The following EPSTI1 variants were observed in gnomAD, a reference collection of about 807,000 sequenced individuals.
EPSTI1 encodes the protein epithelial stromal interaction 1, also known as epithelial-stromal interaction protein 1.
In EPSTI1, 66 loss-of-function variants were observed where a neutral mutation model predicts 49.9. That is an observed-to-expected ratio of 1.32 (90% CI 1.08 to 1.62). The LOEUF (loss-of-function observed/expected upper bound fraction) is 1.62, where lower values mean the gene tolerates loss of function less well. Ranked by LOEUF, EPSTI1 falls within the 40% of genes most tolerant of loss-of-function variation. The pLI, the probability that EPSTI1 is intolerant of heterozygous loss-of-function variation, is 0.00. For synonymous variants in EPSTI1, 137 were observed against 130.7 expected (o/e 1.05, Z -0.33); for missense variants, 394 against 365.5 (o/e 1.08, Z -0.64).
intron 1 of EPSTI1, among the ~76,000 whole-genome samples, chr13:42,987,578 AT>A (rs5803161): frequency 3.1e-4 from 47 of 150,048 alleles, no homozygotes; most frequent in East Asian, 1.4e-3. Context: ...TTTTTTTGCG[AT>A]TTTTTTTTTA....
chr13:42,982,537 C>T (rs1373638396), intron 1 of EPSTI1, among the ~76,000 whole-genome samples: 2 of 152,118 alleles, frequency 1.3e-5, no homozygotes. Flanking sequence ...TCTTGGGGTC[C>T]GGATCAGGAC....
At chr13:42,892,574 T>C (rs2037068537) in intron 10 of EPSTI1, among the ~76,000 whole-genome samples, 1 of 152,186 alleles carries the variant, frequency 6.6e-6, no homozygotes, top group South Asian at 2.1e-4. Flanking sequence ...GGTTAGGTTT[T>C]AGACATGTTA....
At chr13:42,889,019 G>A (rs766212098) in intron 10 of EPSTI1, among the ~76,000 whole-genome samples, 8 of 152,138 alleles carry the variant, frequency 5.3e-5, no homozygotes, top group Admixed American at 1.3e-4. Context: ...GCCACGCTAC[G>A]TATGGAATAC....
At position 42,922,266 on chromosome 13, in the gene EPSTI1, C is replaced by T. The variant is rs369978771; in HGVS notation, c.657+4070G>A. 6.6e-6 allele frequency among the ~76,000 whole-genome samples: 1 copy of T among 152,184 alleles called. No individual in the cohort carries two copies. The highest frequency in any genetic ancestry group is 2.4e-5 in the African/African-American group (1 of 41,446). On this transcript the variant is annotated intron_variant, in intron 7 of 10. Coordinates refer to ENST00000313624, the MANE Select transcript of EPSTI1 (RefSeq NM_033255.5). The surrounding 1 kb of genome is among the most constrained non-coding windows in gnomAD (Gnocchi z 4.8). Reference sequence around the variant, plus strand: ...AATGGCCCCCCAAAGACGTCCCAATCCCTGGAATCTGTGAATGTTTCTTTA... The same window carrying T: ...AATGGCCCCCCAAAGACGTCCCAATTCCTGGAATCTGTGAATGTTTCTTTA...
rs534402808 is a variant in EPSTI1 at position 42,970,928 on chromosome 13, C to T, written c.189-258G>A. On this transcript the variant is annotated intron_variant, in intron 1 of 10. Transcript: ENST00000313624. ...GACAAGTGACTAGTTGGTGTACTGTCCTTGTAGGGCTCCACCGTTCCTCTA... is the reference window on the plus strand; with the variant it reads ...GACAAGTGACTAGTTGGTGTACTGTTCTTGTAGGGCTCCACCGTTCCTCTA... 5.9e-5 allele frequency among the ~76,000 whole-genome samples: 9 copies of T among 152,008 alleles called. No individual in the cohort carries two copies. In the East Asian group the frequency reaches 1.7e-3, roughly 29 times the overall value.
chr13:42,928,556 C>T (rs1183743515), intron 6 of EPSTI1, among the ~76,000 whole-genome samples: 1 of 152,158 alleles, frequency 6.6e-6, no homozygotes, highest in Non-Finnish European at 1.5e-5. Flanking sequence ...AAGATTTCTT[C>T]CTCTATTCTC....
intron 1 of EPSTI1, among the ~76,000 whole-genome samples, chr13:42,983,007 A>T (rs2040012816): frequency 6.6e-6 from 1 of 152,164 alleles, no homozygotes; most frequent in Non-Finnish European, 1.5e-5. Flanking sequence ...TCTTCATCAA[A>T]CCTAAGCATA....
At chr13:42,971,201 G>A (rs2039758771) in intron 1 of EPSTI1, among the ~76,000 whole-genome samples, 1 of 152,124 alleles carries the variant, frequency 6.6e-6, no homozygotes, top group Non-Finnish European at 1.5e-5. Flanking sequence ...GCATAATCAG[G>A]GGCTCGGAGA....
intron 1 of EPSTI1, among the ~76,000 whole-genome samples, chr13:42,974,986 G>T (rs116739888): frequency 1.3e-5 from 2 of 152,022 alleles, no homozygotes; most frequent in African/African-American, 4.8e-5. Flanking sequence ...GACATGTAAA[G>T]TCTACAGTCC....
chr13:42,912,957 A>G (rs959741715), intron 8 of EPSTI1, among the ~76,000 whole-genome samples: 10 of 152,154 alleles, frequency 6.6e-5, no homozygotes, highest in Admixed American at 4.6e-4. Flanking sequence ...GTAAAGAGAC[A>G]TAAAAGAAAA....
intron 1 of EPSTI1, 65 bp downstream of exon 1, chr13:42,991,913 G>A: frequency 6.4e-7 from 1 of 1,571,218 alleles, no homozygotes; most frequent in South Asian, 1.1e-5. Context: ...GGACCAAGGT[G>A]CTTGTGAGTG....
At chr13:42,940,321 C>T (rs917247252) in intron 6 of EPSTI1, among the ~76,000 whole-genome samples, 4 of 152,140 alleles carry the variant, frequency 2.6e-5, no homozygotes, top group East Asian at 1.9e-4. Context: ...CTTGGAAAGT[C>T]GGGTCCTACC....
At chr13:42,913,418 A>G (rs1462941261) in intron 8 of EPSTI1, among the ~76,000 whole-genome samples, 11 of 152,222 alleles carry the variant, frequency 7.2e-5, no homozygotes, top group Non-Finnish European at 1.5e-4. Flanking sequence ...CAGACAAGAT[A>G]GTCAAAAAAG....
At chr13:42,908,916 C>T (rs150072924) in intron 8 of EPSTI1, among the ~76,000 whole-genome samples, 2,010 of 134,068 alleles carry the variant, frequency 0.015, 40 homozygotes, top group African/African-American at 0.051. Context: ...AACCCTGTCT[C>T]GACTAAAAAT....
chr13:42,989,967 C>T (rs2059030738), intron 1 of EPSTI1, among the ~76,000 whole-genome samples: 1 of 151,914 alleles, frequency 6.6e-6, no homozygotes, highest in Admixed American at 6.6e-5. Flanking sequence ...TATTTTGGGG[C>T]AGCGGGTAGG....
chr13:42,926,331 C>T lies in EPSTI1; in HGVS notation c.657+5G>A. 1.3e-6 allele frequency: 2 copies of T among 1,569,300 alleles called. No individual in the cohort carries two copies. Among genetic ancestry groups the T allele is most frequent in the East Asian group, 2.2e-5 (1 of 44,666 alleles). ...AGGCAGCACCCTGCAAAGTAATTCACTTACCCATGTTGAGGATTGTGGGCC... is the reference window on the plus strand; with the variant it reads ...AGGCAGCACCCTGCAAAGTAATTCATTTACCCATGTTGAGGATTGTGGGCC... On this transcript the variant is annotated splice_donor_5th_base_variant and intron_variant, in intron 7 of 10. Transcript: ENST00000313624.
At chr13:42,921,256 GAAA>G (rs1264985460) in intron 7 of EPSTI1, among the ~76,000 whole-genome samples, 2 of 152,154 alleles carry the variant, frequency 1.3e-5, no homozygotes, top group East Asian at 3.8e-4. Context: ...GGGAAACAGA[GAAA>G]ATCCTTCATA....
chr13:42,932,515 G>C (rs916153544), intron 6 of EPSTI1, among the ~76,000 whole-genome samples: 1 of 151,692 alleles, frequency 6.6e-6, no homozygotes, highest in African/African-American at 2.4e-5. Flanking sequence ...CTTTCCAAGG[G>C]GGCAAAAGTC....
chr13:42,992,186 C>A lies in EPSTI1; in HGVS notation c.-21G>T. On this transcript the variant is annotated 5_prime_UTR_variant, in exon 1 of 11. Coordinates refer to ENST00000313624, the MANE Select transcript of EPSTI1 (RefSeq NM_033255.5). ...TTCATGGTTCACAGCCCGCGGGTCC[C>A]GGGCCGCCGTCGCTGCGGGAGGGAT... 6.6e-7 allele frequency: 1 copy of A among 1,522,402 alleles called. No homozygotes were observed. Among genetic ancestry groups the A allele is most frequent in the Non-Finnish European group, 8.8e-7 (1 of 1,136,474 alleles). 94.3% of individuals were successfully genotyped at this position (1,522,402 alleles called of 1,614,324 possible). A position where few individuals can be genotyped will look rare whatever the true frequency, so the allele number is the denominator to read the frequency against.
Sources: allele counts gnomAD v4.1 joint callset (sites outside exome capture counted in the v4.1 genomes callset), GRCh38; gene constraint gnomAD v4.1.1; non-coding constraint Gnocchi (gnomAD v3.1); transcripts MANE v1.5; gene names NCBI Gene and HGNC (gene_info 2026-07-23, HGNC 2026-07-21).